SSBP1: variants seen among roughly 807,000 people sequenced by gnomAD.
SSBP1 encodes the protein single stranded DNA binding protein 1.
Under a neutral mutation model 27.0 loss-of-function variants are expected in SSBP1, and 20 were observed. That is an observed-to-expected ratio of 0.74 (90% confidence interval 0.52 to 1.08). SSBP1 has a LOEUF of 1.08. Ranked by LOEUF, SSBP1 falls within the 50% of genes least tolerant of loss-of-function variation. SSBP1 has a pLI of 0.00. For missense variants in SSBP1, 137 were observed against 182.4 expected, an observed-to-expected ratio of 0.75 and a Z score of 1.44; for synonymous variants, 59 against 59.3, an observed-to-expected ratio of 1.00 and a Z score of 0.02.
intron 3 of SSBP1, among the ~76,000 whole-genome samples, chr7:141,742,817 T>C (rs757466488): frequency 1.3e-5 from 2 of 152,256 alleles, no homozygotes; most frequent in Non-Finnish European, 2.9e-5. Flanking sequence ...AAGTCATATT[T>C]ATAGCATTTC....
intron 6 of SSBP1, chr7:141,745,942 C>T (rs1311701945): frequency 2.0e-6 from 2 of 1,015,358 alleles, no homozygotes; most frequent in African/African-American, 1.7e-5. Flanking sequence ...ATAAGAATTA[C>T]ACTAATGTGA....
intron 5 of SSBP1, among the ~76,000 whole-genome samples, chr7:141,745,037 CAG>C (rs1258942788): frequency 6.6e-6 from 1 of 152,076 alleles, no homozygotes; most frequent in Non-Finnish European, 1.5e-5. Flanking sequence ...GTAATTAACT[CAG>C]GGTAATATTA....
intron 3 of SSBP1, 59 bp from the exon 4 acceptor site, chr7:141,743,502 G>C: frequency 1.3e-6 from 2 of 1,581,516 alleles, no homozygotes; most frequent in Non-Finnish European, 1.7e-6. Flanking sequence ...TTGGGGGAAG[G>C]GGCACAACTA....
Position 141,742,178 on chromosome 7 carries a change from C to G in SSBP1, c.34C>G (p.Gln12Glu). The G allele has an allele frequency of 6.3e-7, 1 of 1,599,052 alleles. No individual in the cohort carries two copies. Among genetic ancestry groups the G allele is most frequent in the Non-Finnish European group, 8.6e-7 (1 of 1,167,956 alleles). ...FRRPVLQVLR[Q>E]FVRHESETTT... ...ATTTGTTCTTCTTTAGGTACTTCGTCAGTTTGTAAGACATGAGTCCGAAAC... is the reference window on the plus strand; with the variant it reads ...ATTTGTTCTTCTTTAGGTACTTCGTGAGTTTGTAAGACATGAGTCCGAAAC... The change falls in exon 3 of 7, where the codon CAG becomes GAG. Residue 12 changes from glutamine (Q) to glutamate (E), a missense_variant. This residue lies in a region of SSBP1 where 42 missense variants were observed against 30.4 expected (regional missense o/e 1.38). Transcript: ENST00000265304.
chr7:141,750,449 CTT>C lies in SSBP1; in HGVS notation c.*98_*99del, dbSNP rs2117200090. 9.6e-7 allele frequency: 1 copy of C among 1,039,384 alleles called. No homozygotes were observed. Among genetic ancestry groups the C allele is most frequent in the Non-Finnish European group, 1.4e-6 (1 of 717,044 alleles). 64.4% of individuals were successfully genotyped at this position (1,039,384 alleles called of 1,614,324 possible). On this transcript the variant is annotated 3_prime_UTR_variant, in exon 7 of 7. Coordinates refer to ENST00000265304, the MANE Select transcript of SSBP1 (RefSeq NM_003143.3). The stretch of plus-strand genomic sequence containing the variant: ...TTCCAAGGACAAGAATTAAAATACT[CTT>C]TTACGTAAAATGAGTAATAATCTTT...
intron 6 of SSBP1, chr7:141,746,091 G>A (rs1321179574): frequency 1.8e-5 from 9 of 498,274 alleles, no homozygotes; most frequent in Non-Finnish European, 2.3e-5. Context: ...CACAATCTCG[G>A]CTCATTGCAA....
At chr7:141,745,704 C>G (rs1237537933) in intron 6 of SSBP1, 120 bp downstream of exon 6, 1 of 1,450,688 alleles carries the variant, frequency 6.9e-7, no homozygotes, top group Non-Finnish European at 9.1e-7. Context: ...AGGCAACTCA[C>G]TAGAAGATGT....
intron 6 of SSBP1, 70 bp from the exon 7 acceptor site, chr7:141,750,241 A>T: frequency 8.9e-7 from 1 of 1,118,740 alleles, no homozygotes; most frequent in Non-Finnish European, 1.3e-6. Context: ...TATATGTATT[A>T]GAGGAGAATT....
chr7:141,744,760 G>A (rs1308697921), intron 5 of SSBP1, among the ~76,000 whole-genome samples: 1 of 152,104 alleles, frequency 6.6e-6, no homozygotes, highest in East Asian at 1.9e-4. Context: ...ACACATATAA[G>A]GTATTTCAAG....
chr7:141,741,439 G>C (rs1799527081), intron 2 of SSBP1: 1 of 152,108 alleles, frequency 6.6e-6, no homozygotes. Flanking sequence ...TCCTCTAACT[G>C]GCTGTTCGTT....
intron 2 of SSBP1, 49 bp downstream of exon 2, chr7:141,739,239 G>T: frequency 6.7e-7 from 1 of 1,481,754 alleles, no homozygotes. Context: ...ATCAGCCACA[G>T]TGATCAGAAG....
chr7:141,738,724 A>T (rs1189372542), intron 1 of SSBP1: 2 of 154,810 alleles, frequency 1.3e-5, no homozygotes, highest in African/African-American at 2.4e-5. Flanking sequence ...TCCCTTGGTG[A>T]TGCTAATATT....
intron 2 of SSBP1, chr7:141,741,931 C>A: frequency 1.7e-6 from 1 of 586,798 alleles, no homozygotes; most frequent in Non-Finnish European, 2.6e-6. Context: ...TATAACTTAA[C>A]TTTGAGCATG....
At position 141,745,414 on chromosome 7, in the gene SSBP1, A is replaced by G. The variant is rs939530670; in HGVS notation, c.315-82A>G. 4 of 1,177,368 alleles carry G rather than the reference A, an allele frequency of 3.4e-6. No homozygotes were observed. In the East Asian group the frequency reaches 7.1e-5, roughly 21 times the overall value. 72.9% of individuals were successfully genotyped at this position (1,177,368 alleles called of 1,614,324 possible). A position where few individuals can be genotyped will look rare whatever the true frequency, so the allele number is the denominator to read the frequency against. On this transcript the variant is annotated intron_variant, in intron 5 of 6. Transcript: ENST00000265304. The stretch of plus-strand genomic sequence containing the variant: ...TATGATTATATATTTCATCCTTGTC[A>G]TATACTCAGTACCACCCTGACCTGA...
chr7:141,747,721 G>T (rs1247458209), intron 6 of SSBP1, among the ~76,000 whole-genome samples: 1 of 151,296 alleles, frequency 6.6e-6, no homozygotes, highest in African/African-American at 2.4e-5. Flanking sequence ...TTTTTGGGCT[G>T]GATGCAGTGG....
chr7:141,747,008 T>C (rs761064730), intron 6 of SSBP1, among the ~76,000 whole-genome samples: 2 of 152,180 alleles, frequency 1.3e-5, no homozygotes, highest in East Asian at 1.9e-4. Flanking sequence ...GTATATGGTA[T>C]AGTTAAGAAC....
At position 141,739,160 on chromosome 7, in the gene SSBP1, A is replaced by G. The variant is rs2117152408; in HGVS notation, c.-7A>G. The G allele has an allele frequency of 1.3e-6, 2 of 1,596,226 alleles. No homozygotes were observed. Among genetic ancestry groups the G allele is most frequent in the Non-Finnish European group, 1.7e-6 (2 of 1,172,790 alleles). On this transcript the variant is annotated 5_prime_UTR_variant, in exon 2 of 7. In the 5' UTR this introduces an upstream ATG that the reference lacks. Coordinates refer to ENST00000265304, the MANE Select transcript of SSBP1 (RefSeq NM_003143.3). ...AGATTAGACTGTAAGAAAAGAAAAT[A>G]GAAGCCATGTTTCGAAGACCTGTAT...
chr7:141,743,188 G>A (rs1355676367), intron 3 of SSBP1, among the ~76,000 whole-genome samples: 1 of 152,178 alleles, frequency 6.6e-6, no homozygotes. Flanking sequence ...CTTAGAGGCT[G>A]CTATAAAAAA....
At position 141,739,174 on chromosome 7, in the gene SSBP1, G is replaced by A. The variant is rs371986763; in HGVS notation, c.8G>A (p.Arg3Gln). 9 of 1,601,534 alleles carry A rather than the reference G, an allele frequency of 5.6e-6. No individual in the cohort carries two copies. Among genetic ancestry groups the A allele is most frequent in the African/African-American group, 2.7e-5 (2 of 74,374 alleles). The change falls in exon 2 of 7, where the codon CGA (arginine) becomes CAA (glutamine). Residue 3 changes from arginine to glutamine, a missense_variant. Physicochemically the swap from Arg to Gln is conservative, Grantham distance 43 (BLOSUM62 1). Coordinates refer to ENST00000265304, the MANE Select transcript of SSBP1 (RefSeq NM_003143.3). MF[R>Q]RPVLQVLRQF... ...GAAAAGAAAATAGAAGCCATGTTTC[G>A]AAGACCTGTATTACAGGTAGTCACT... is the stretch of plus-strand genomic sequence containing the variant.
Sources: allele counts gnomAD v4.1 joint callset (sites outside exome capture counted in the v4.1 genomes callset), GRCh38; gene constraint gnomAD v4.1.1; regional missense constraint gnomAD v4.1.1; transcripts MANE v1.5; gene names NCBI Gene and HGNC (gene_info 2026-07-23, HGNC 2026-07-21).